Variants in FBXL2 observed in about 807,000 individuals in gnomAD.
FBXL2 encodes F-box and leucine rich repeat protein 2, also known as F-box/LRR-repeat protein 2.
In FBXL2, 38 loss-of-function variants were observed where a neutral mutation model predicts 69.2. The ratio of observed to expected loss-of-function variants is 0.55; its 90% CI spans 0.42 to 0.72. FBXL2 has a LOEUF of 0.72. Among genes scored for constraint, FBXL2 ranks in the 30% least tolerant of loss-of-function variants. FBXL2 has a pLI of 0.00. For synonymous variants in FBXL2, 192 were observed against 201.3 expected, an observed-to-expected ratio of 0.95 and a Z score of 0.39; for missense variants, 354 against 520.3, an observed-to-expected ratio of 0.68 and a Z score of 3.11.
At chr3:33,309,728 T>A (rs182994546) in intron 2 of FBXL2, among the ~76,000 whole-genome samples, 1 of 152,350 alleles carries the variant, frequency 6.6e-6, no homozygotes, top group Non-Finnish European at 1.5e-5. Flanking sequence ...GATTATATGA[T>A]TTTTCTGTAG....
At chr3:33,342,699 CAA>C (rs2040125247) in intron 2 of FBXL2, among the ~76,000 whole-genome samples, 1 of 103,754 alleles carries the variant, frequency 9.6e-6, no homozygotes, top group Non-Finnish European at 1.9e-5. Context: ...TCTTGCAAAA[CAA>C]ATATAACTTC....
At chr3:33,367,058 T>A (rs886579824) in intron 5 of FBXL2, among the ~76,000 whole-genome samples, 3 of 152,130 alleles carry the variant, frequency 2.0e-5, no homozygotes, top group Admixed American at 6.5e-5. Context: ...CTCCTACATG[T>A]TTTTTTGGGG....
intron 4 of FBXL2, 56 bp downstream of exon 4, chr3:33,359,413 C>T: frequency 1.6e-6 from 2 of 1,243,130 alleles, no homozygotes; most frequent in South Asian, 1.3e-5. Context: ...TAGCTGTTCC[C>T]CCTTTCCTGA....
At chr3:33,380,897 G>T (rs1307734279) in intron 13 of FBXL2, among the ~76,000 whole-genome samples, 1 of 152,176 alleles carries the variant, frequency 6.6e-6, no homozygotes, top group Admixed American at 6.5e-5. Flanking sequence ...AGGCCAACCT[G>T]AGCTGGGTAT....
intron 4 of FBXL2, chr3:33,364,291 T>C (rs2041816306): frequency 7.4e-6 from 2 of 270,702 alleles, no homozygotes; most frequent in Non-Finnish European, 1.4e-5. Flanking sequence ...AAAAGCCTTT[T>C]GGTTGGTGGA....
intron 2 of FBXL2, among the ~76,000 whole-genome samples, chr3:33,314,221 A>T (rs2037466683): frequency 6.6e-6 from 1 of 152,284 alleles, no homozygotes; most frequent in African/African-American, 2.4e-5. Flanking sequence ...AATGATTACC[A>T]CAATCAAAAT....
At chr3:33,332,177 T>TTAC (rs555491497) in intron 2 of FBXL2, among the ~76,000 whole-genome samples, 88 of 152,264 alleles carry the variant, frequency 5.8e-4, no homozygotes, top group Non-Finnish European at 1.0e-3. Flanking sequence ...GTGAATAAGA[T>TTAC]TACCCAAAAG....
intron 1 of FBXL2, among the ~76,000 whole-genome samples, chr3:33,296,241 C>CT (rs1344601287): frequency 1.3e-5 from 2 of 151,822 alleles, no homozygotes; most frequent in African/African-American, 4.8e-5. Flanking sequence ...AATTTTTGTA[C>CT]TTTTAGTAGA....
intron 1 of FBXL2, among the ~76,000 whole-genome samples, chr3:33,295,050 C>T (rs1278260756): frequency 6.6e-6 from 1 of 152,042 alleles, no homozygotes; most frequent in Admixed American, 6.6e-5. Context: ...GGCACTATTT[C>T]CACTTCTGCA....
chr3:33,323,500 C>T (rs1365282707), intron 2 of FBXL2, among the ~76,000 whole-genome samples: 2 of 152,142 alleles, frequency 1.3e-5, no homozygotes, highest in South Asian at 2.1e-4. Flanking sequence ...TGATGTTCCC[C>T]TCCCTGTGTC....
At chr3:33,318,403 G>A (rs572000882) in intron 2 of FBXL2, among the ~76,000 whole-genome samples, 1 of 152,184 alleles carries the variant, frequency 6.6e-6, no homozygotes, top group South Asian at 2.1e-4. Flanking sequence ...TATTTGTTGA[G>A]TACTCTTTCT....
intron 1 of FBXL2, among the ~76,000 whole-genome samples, chr3:33,295,283 C>G (rs72862393): frequency 0.027 from 4,118 of 152,240 alleles, 90 homozygotes; most frequent in Admixed American, 0.059. Flanking sequence ...AACTACTAGT[C>G]TATTTTCTGT....
At chr3:33,344,930 A>T (rs2040326610) in intron 2 of FBXL2, among the ~76,000 whole-genome samples, 2 of 152,244 alleles carry the variant, frequency 1.3e-5, no homozygotes, top group Non-Finnish European at 1.5e-5. Context: ...AAGTCTGAAG[A>T]TTCCTGTATC....
intron 2 of FBXL2, among the ~76,000 whole-genome samples, chr3:33,300,863 A>C (rs772521444): frequency 3.5e-5 from 5 of 142,974 alleles, no homozygotes; most frequent in Non-Finnish European, 4.5e-5. Flanking sequence ...TGCCCGCCAC[A>C]ACGCCCAGCT....
At chr3:33,371,334 T>C (rs1412912472) in intron 5 of FBXL2, among the ~76,000 whole-genome samples, 1 of 150,548 alleles carries the variant, frequency 6.6e-6, no homozygotes, top group Non-Finnish European at 1.5e-5. Flanking sequence ...CAGCTAATTT[T>C]TTTTTTTTTT....
In FBXL2 at chr3:33,378,095, T is replaced by C. The variant is rs1473578769; in HGVS notation, c.850-8T>C. ...CACATGTGGGGTGTGTCTTGTGGACTCTTCCAGAATTGCCACGAATTGGAG... is the reference window on the plus strand; with the variant it reads ...CACATGTGGGGTGTGTCTTGTGGACCCTTCCAGAATTGCCACGAATTGGAG... On this transcript the variant is annotated splice_region_variant and splice_polypyrimidine_tract_variant and intron_variant, in intron 11 of 14. Coordinates refer to ENST00000484457, the MANE Select transcript of FBXL2 (RefSeq NM_012157.5). 1 of 1,614,078 alleles carries C rather than the reference T, an allele frequency of 6.2e-7. No homozygotes were observed. Among genetic ancestry groups the C allele is most frequent in the Non-Finnish European group, 8.5e-7 (1 of 1,180,008 alleles).
chr3:33,286,712 T>C (rs2034660213), intron 1 of FBXL2, among the ~76,000 whole-genome samples: 1 of 152,204 alleles, frequency 6.6e-6, no homozygotes, highest in African/African-American at 2.4e-5. Context: ...GGCTGCTTTG[T>C]TTACCTACTC....
At chr3:33,293,854 A>G (rs1464530720) in intron 1 of FBXL2, among the ~76,000 whole-genome samples, 1 of 152,216 alleles carries the variant, frequency 6.6e-6, no homozygotes, top group Non-Finnish European at 1.5e-5. Flanking sequence ...GTCTTGAACA[A>G]CACTATAAGT....
intron 2 of FBXL2, among the ~76,000 whole-genome samples, chr3:33,347,745 T>G (rs558876662): frequency 1.4e-4 from 21 of 152,330 alleles, no homozygotes; most frequent in African/African-American, 5.1e-4. Flanking sequence ...CTCGTTGTAT[T>G]TTGATTTGCA....
Sources: allele counts gnomAD v4.1 joint callset (sites outside exome capture counted in the v4.1 genomes callset), GRCh38; gene constraint gnomAD v4.1.1; transcripts MANE v1.5; gene names NCBI Gene and HGNC (gene_info 2026-07-23, HGNC 2026-07-21).